The following SWT1 variants were observed in gnomAD, a reference collection of about 807,000 sequenced individuals.
SWT1 encodes the protein SWT1 RNA endoribonuclease homolog, also known as transcriptional protein SWT1.
SWT1 carries 33 observed loss-of-function variants against 107.3 expected under a neutral mutation model. The ratio of observed to expected loss-of-function variants is 0.31; its 90% CI spans 0.23 to 0.41. The LOEUF (loss-of-function observed/expected upper bound fraction) is 0.41, where lower values mean the gene tolerates loss of function less well. Ranked by LOEUF, SWT1 falls within the 10% of genes least tolerant of loss-of-function variation. The pLI is 1.00. For synonymous variants in SWT1, 345 were observed against 348.3 expected (o/e 0.99, Z 0.11); for missense variants, 898 against 1,028.9 (o/e 0.87, Z 1.74).
At chr1:185,258,289 C>T (rs1018394058) in intron 16 of SWT1, among the ~76,000 whole-genome samples, 1 of 151,996 alleles carries the variant, frequency 6.6e-6, no homozygotes, top group Non-Finnish European at 1.5e-5. Flanking sequence ...CTCATCTTTC[C>T]TCTCCTTATT....
Position 185,271,374 on chromosome 1 carries a change from C to T in SWT1, c.2493C>T (p.Phe831=), listed in dbSNP as rs149583877. The T allele has an allele frequency of 4.2e-3, 6,247 of 1,498,378 alleles. 27 individuals carry two copies. Among genetic ancestry groups the T allele is most frequent in the Non-Finnish European group, 5.0e-3 (5,359 of 1,077,630 alleles). 92.8% of individuals were successfully genotyped at this position (1,498,378 alleles called of 1,614,324 possible). The part of the protein sequence containing the change: ...NYQDVETLYN[F]LIKYEVNKNV... ...AAGATGTTGAGACCCTCTATAACTT[C>T]CTAATCAAGTATGAGGTATGGGAAA... The change falls in exon 17 of 19, where the codon TTC becomes TTT. Residue 831 remains phenylalanine (F), a synonymous_variant. Coordinates refer to ENST00000367500, the MANE Select transcript of SWT1 (RefSeq NM_017673.7).
chr1:185,237,991 A>AT lies in SWT1; in HGVS notation c.2441+6297dup, dbSNP rs756534304. 4.8e-3 allele frequency among the ~76,000 whole-genome samples: 692 copies of AT among 144,336 alleles called. 4 individuals are homozygous for AT. The highest frequency in any genetic ancestry group is 0.015 in the African/African-American group (602 of 39,688). 94.7% of individuals were successfully genotyped at this position (144,336 alleles called of 152,430 possible). On this transcript the variant is annotated intron_variant, in intron 16 of 18. Transcript: ENST00000367500. ...ACCTTTTAGCATGTGACCTGGGGTG[A>AT]TTTTTTTTTTTTTTAAACAGAGTAT...
chr1:185,189,579 T>C lies in SWT1; in HGVS notation c.1430-970T>C, dbSNP rs1270690842. Among the ~76,000 whole-genome samples the C allele has an allele frequency of 5.9e-5, 9 of 152,098 alleles. No individual in the cohort carries two copies. In the South Asian group the frequency reaches 1.7e-3, roughly 28 times the overall value. On this transcript the variant is annotated intron_variant, in intron 9 of 18. Transcript: ENST00000367500. ...TAATCTGTAAGTGACTGAATTGATATTAGGATTCGTGGTTTTTGGTTTCTA... is the reference window on the plus strand; with the variant it reads ...TAATCTGTAAGTGACTGAATTGATACTAGGATTCGTGGTTTTTGGTTTCTA...
intron 16 of SWT1, among the ~76,000 whole-genome samples, chr1:185,248,677 A>G (rs1661781895): frequency 6.6e-6 from 1 of 151,584 alleles, no homozygotes; most frequent in African/African-American, 2.4e-5. Context: ...TCCTCTCTTC[A>G]TGCTGAGATA....
chr1:185,287,127 G>A (rs1476227723), intron 18 of SWT1, among the ~76,000 whole-genome samples: 1 of 152,074 alleles, frequency 6.6e-6, no homozygotes, highest in East Asian at 1.9e-4. Context: ...CTTGGATTTT[G>A]GAAAAATTGC....
intron 5 of SWT1, 120 bp downstream of exon 5, chr1:185,175,233 T>C (rs1050075118): frequency 8.2e-6 from 8 of 978,844 alleles, no homozygotes; most frequent in Admixed American, 7.6e-5. Flanking sequence ...TGTTTGTTTT[T>C]TGTTTTTGAG....
intron 16 of SWT1, among the ~76,000 whole-genome samples, chr1:185,267,281 G>T (rs1308410266): frequency 2.0e-5 from 3 of 152,210 alleles, no homozygotes; most frequent in Admixed American, 6.5e-5. Context: ...GGTTAACGCT[G>T]CTTTATCCCC....
chr1:185,214,760 C>A, intron 14 of SWT1, 105 bp downstream of exon 14: 1 of 923,748 alleles, frequency 1.1e-6, no homozygotes, highest in Non-Finnish European at 1.6e-6. Flanking sequence ...CTAACTTATT[C>A]TAACATACTA....
chr1:185,168,299 A>G, intron 3 of SWT1, 41 bp from the exon 4 acceptor site: 2 of 1,010,170 alleles, frequency 2.0e-6, no homozygotes, highest in South Asian at 3.8e-5. Flanking sequence ...AAAAATATGT[A>G]CCAGTGCACA....
intron 17 of SWT1, 90 bp downstream of exon 17, chr1:185,271,479 G>A (rs1663862374): frequency 9.0e-6 from 6 of 664,852 alleles, no homozygotes; most frequent in Non-Finnish European, 1.6e-5. Flanking sequence ...CAAACATAGT[G>A]GAATGCTATT....
intron 4 of SWT1, among the ~76,000 whole-genome samples, chr1:185,171,103 A>G (rs756022255): frequency 8.5e-5 from 13 of 152,128 alleles, no homozygotes; most frequent in Non-Finnish European, 1.8e-4. Flanking sequence ...CAGTTCCCCT[A>G]AAGTCACCGT....
chr1:185,158,410 C>T (rs1269979023), intron 1 of SWT1, among the ~76,000 whole-genome samples: 1 of 151,694 alleles, frequency 6.6e-6, no homozygotes, highest in Non-Finnish European at 1.5e-5. Flanking sequence ...GTAGTTGACT[C>T]ATGGCTCAAC....
At chr1:185,171,058 A>C (rs1449836595) in intron 4 of SWT1, among the ~76,000 whole-genome samples, 1 of 151,986 alleles carries the variant, frequency 6.6e-6, no homozygotes, top group Non-Finnish European at 1.5e-5. Flanking sequence ...TCTAGCCTAC[A>C]TCTCCCCACC....
At chr1:185,258,020 T>C (rs1440059739) in intron 16 of SWT1, 1 of 152,070 alleles carries the variant, frequency 6.6e-6, no homozygotes, top group Non-Finnish European at 1.5e-5. Flanking sequence ...TCAGCCTGTC[T>C]TTCCTCTTTA....
chr1:185,273,732 C>G (rs1460336873), intron 17 of SWT1, among the ~76,000 whole-genome samples: 1 of 151,898 alleles, frequency 6.6e-6, no homozygotes, highest in African/African-American at 2.4e-5. Context: ...AATAAAAGAG[C>G]CTTAATTCTT....
intron 6 of SWT1, 100 bp downstream of exon 6, chr1:185,180,550 A>G (rs867956051): frequency 1.2e-6 from 1 of 824,814 alleles, no homozygotes. Context: ...ATAATATGAA[A>G]ATAACAATGA....
intron 16 of SWT1, among the ~76,000 whole-genome samples, chr1:185,264,938 A>G (rs972403304): frequency 6.6e-6 from 1 of 152,196 alleles, no homozygotes; most frequent in Admixed American, 6.5e-5. Flanking sequence ...CATATAATCT[A>G]TTCTTTTAAC....
chr1:185,222,121 G>T (rs1253624283), intron 15 of SWT1, 85 bp downstream of exon 15: 1 of 912,050 alleles, frequency 1.1e-6, no homozygotes, highest in African/African-American at 1.7e-5. Context: ...AATTTGATGT[G>T]CAATTTGACG....
intron 5 of SWT1, among the ~76,000 whole-genome samples, chr1:185,179,047 G>A (rs1334756710): frequency 6.6e-6 from 1 of 152,172 alleles, no homozygotes; most frequent in Admixed American, 6.5e-5. Flanking sequence ...GAGGTGGGCA[G>A]ATCACTTGGG....
Sources: gnomAD v4.1 joint callset for allele counts (sites outside exome capture counted in the v4.1 genomes callset) on GRCh38, gnomAD v4.1.1 for gene constraint, MANE v1.5 for transcripts, NCBI Gene and HGNC (gene_info 2026-07-23, HGNC 2026-07-21) for gene names.